The following COMMD10 variants were observed in gnomAD, a reference collection of about 807,000 sequenced individuals.
COMMD10 encodes COMM domain-containing protein 10.
Under a neutral mutation model 28.9 loss-of-function variants are expected in COMMD10, and 33 were observed. The ratio of observed to expected loss-of-function variants is 1.14; its 90% CI spans 0.87 to 1.53. COMMD10 has a LOEUF of 1.53. Ranked by LOEUF, COMMD10 falls within the 40% of genes most tolerant of loss-of-function variation. The pLI is 0.00. For synonymous variants in COMMD10, 110 were observed against 81.7 expected (o/e 1.35, Z -1.87); for missense variants, 310 against 233.4 (o/e 1.33, Z -2.14).
chr5:116,191,883 G>A (rs1481666271), intron 5 of COMMD10, among the ~76,000 whole-genome samples: 2 of 151,966 alleles, frequency 1.3e-5, no homozygotes, highest in Non-Finnish European at 2.9e-5. Flanking sequence ...CCCTCATGGA[G>A]TCCGTTGCAC....
intron 5 of COMMD10, among the ~76,000 whole-genome samples, chr5:116,279,963 G>T (rs1360038250): frequency 2.0e-5 from 3 of 151,822 alleles, no homozygotes. Flanking sequence ...AAACTGATTA[G>T]GACATAGGTT....
At chr5:116,094,706 G>T (rs1750413316) in intron 4 of COMMD10, among the ~76,000 whole-genome samples, 1 of 152,138 alleles carries the variant, frequency 6.6e-6, no homozygotes, top group Non-Finnish European at 1.5e-5. Flanking sequence ...GTATATTAAA[G>T]AAATATTTGT....
At chr5:116,085,377 G>A (rs150315442) in intron 1 of COMMD10, 31 of 423,430 alleles carry the variant, frequency 7.3e-5, no homozygotes, top group Middle Eastern at 1.2e-3. Context: ...CTGCGTCACT[G>A]TTCGCGGAGT....
At chr5:116,291,422 C>A in intron 5 of COMMD10, 95 bp from the exon 6 acceptor site, 2 of 842,044 alleles carry the variant, frequency 2.4e-6, no homozygotes, top group African/African-American at 1.7e-5. Context: ...ACTCAGAGGA[C>A]AATCTTATGT....
intron 5 of COMMD10, among the ~76,000 whole-genome samples, chr5:116,234,143 C>T (rs1233993863): frequency 1.3e-5 from 2 of 152,064 alleles, no homozygotes; most frequent in African/African-American, 4.8e-5. Context: ...TTTGAGTGGA[C>T]ATCTGCTATG....
At chr5:116,091,707 G>T (rs1750302559) in intron 3 of COMMD10, among the ~76,000 whole-genome samples, 1 of 152,102 alleles carries the variant, frequency 6.6e-6, no homozygotes, top group Non-Finnish European at 1.5e-5. Flanking sequence ...TAGTCTTTCA[G>T]CAGTTCATAT....
Position 116,291,543 on chromosome 5 carries a change from C to G in COMMD10, c.537C>G (p.Phe179Leu). 12 of 1,601,922 alleles carry G rather than the reference C, an allele frequency of 7.5e-6. No individual in the cohort carries two copies. The highest frequency in any genetic ancestry group is 1.0e-5 in the Non-Finnish European group (12 of 1,173,300). The change falls in exon 6 of 7, where the codon TTC becomes TTG. Residue 179 changes from phenylalanine to leucine, a missense_variant. Phe to Leu is a conservative substitution (Grantham distance 22). Transcript: ENST00000274458. Reference protein sequence around the residue: ...SKSLEKVLVEFSHKELFDFYN... With the variant: ...SKSLEKVLVELSHKELFDFYN... ...GCCTGGAGAAAGTTCTTGTGGAATT[C>G]AGTCACAAGGAGTTGTTTGATTTCT...
Position 116,259,062 on chromosome 5 carries a change from A to ATT in COMMD10, c.511-32437_511-32436dup, listed in dbSNP as rs36082006. 3.8e-4 allele frequency among the ~76,000 whole-genome samples: 47 copies of ATT among 123,606 alleles called. 1 individual carries two copies. Among genetic ancestry groups the ATT allele is most frequent in the African/African-American group, 8.9e-4 (29 of 32,730 alleles). 81.1% of individuals were successfully genotyped at this position (123,606 alleles called of 152,430 possible). ...ATTTTATCTTTAGCTACGTCCTTTA[A>ATT]TTTTTTTTTTTTTTTTTTTCCTGAG... On this transcript the variant is annotated intron_variant, in intron 5 of 6. Transcript: ENST00000274458.
At chr5:116,235,848 T>A (rs1309696635) in intron 5 of COMMD10, among the ~76,000 whole-genome samples, 3 of 152,182 alleles carry the variant, frequency 2.0e-5, no homozygotes, top group Non-Finnish European at 2.9e-5. Context: ...ATTTTATTCA[T>A]TCAGTTCGCT....
intron 5 of COMMD10, among the ~76,000 whole-genome samples, chr5:116,243,951 A>G (rs1231636794): frequency 6.6e-6 from 1 of 152,174 alleles, no homozygotes; most frequent in Non-Finnish European, 1.5e-5. Flanking sequence ...ACTTTATCTG[A>G]AATCATTGAG....
rs1396105581 is a variant in COMMD10 at position 116,292,551 on chromosome 5, A to G, written c.*62A>G. On this transcript the variant is annotated 3_prime_UTR_variant, in exon 7 of 7. Coordinates refer to ENST00000274458, the MANE Select transcript of COMMD10 (RefSeq NM_016144.4). ...CACCTCATTATTTTGCATTGAAGAT[A>G]CATTGCCAGGTTGTGTTTTCTGAAG... 3 of 1,397,106 alleles carry G rather than the reference A, an allele frequency of 2.1e-6. No homozygotes were observed. The highest frequency in any genetic ancestry group is 2.0e-6 in the Non-Finnish European group (2 of 1,017,240). 86.5% of individuals were successfully genotyped at this position (1,397,106 alleles called of 1,614,324 possible).
At chr5:116,126,727 G>C (rs1428999858) in intron 4 of COMMD10, among the ~76,000 whole-genome samples, 1 of 152,158 alleles carries the variant, frequency 6.6e-6, no homozygotes, top group African/African-American at 2.4e-5. Context: ...GCCATATGTA[G>C]AAAGCTGAAA....
At position 116,256,468 on chromosome 5, in the gene COMMD10, G is replaced by A. The variant is rs189732954; in HGVS notation, c.511-35049G>A. 1.7e-3 allele frequency among the ~76,000 whole-genome samples: 262 copies of A among 151,740 alleles called. 4 individuals are homozygous for A. Among genetic ancestry groups the A allele is most frequent in the African/African-American group, 5.9e-3 (244 of 41,266 alleles). On this transcript the variant is annotated intron_variant, in intron 5 of 6. Transcript: ENST00000274458. Reference sequence around the variant, plus strand: ...AAATTACCTTTCCCTTTGCATGTACGTGACAGTTAAGATCTGAAGAATCTT... The same window carrying A: ...AAATTACCTTTCCCTTTGCATGTACATGACAGTTAAGATCTGAAGAATCTT...
chr5:116,124,975 G>A (rs1421651590), intron 4 of COMMD10, among the ~76,000 whole-genome samples: 1 of 152,094 alleles, frequency 6.6e-6, no homozygotes, highest in Non-Finnish European at 1.5e-5. Flanking sequence ...CACGTGAAGT[G>A]GTTCTCCTGA....
At chr5:116,222,788 T>G (rs1298102269) in intron 5 of COMMD10, among the ~76,000 whole-genome samples, 1 of 152,044 alleles carries the variant, frequency 6.6e-6, no homozygotes, top group African/African-American at 2.4e-5. Flanking sequence ...GCCTCCCAGG[T>G]TTAAGCGATT....
At chr5:116,244,001 T>C (rs1020171089) in intron 5 of COMMD10, among the ~76,000 whole-genome samples, 1 of 152,152 alleles carries the variant, frequency 6.6e-6, no homozygotes, top group African/African-American at 2.4e-5. Context: ...TAAATCAATA[T>C]CTGAAAAGCT....
At chr5:116,238,724 C>T (rs1039299563) in intron 5 of COMMD10, among the ~76,000 whole-genome samples, 6 of 152,190 alleles carry the variant, frequency 3.9e-5, no homozygotes, top group Non-Finnish European at 7.3e-5. Flanking sequence ...ATCTCCAGCT[C>T]ATACTCCTTA....
chr5:116,253,363 C>G (rs1055238655), intron 5 of COMMD10, among the ~76,000 whole-genome samples: 1 of 148,572 alleles, frequency 6.7e-6, no homozygotes, highest in African/African-American at 2.5e-5. Context: ...GAGGGCATCC[C>G]TGTCTTGTGC....
chr5:116,128,231 G>T (rs977029019), intron 4 of COMMD10, among the ~76,000 whole-genome samples: 1 of 151,960 alleles, frequency 6.6e-6, no homozygotes, highest in African/African-American at 2.4e-5. Context: ...AGATTATATT[G>T]AAGTTATAAT....
Sources: gnomAD v4.1 joint callset for allele counts (sites outside exome capture counted in the v4.1 genomes callset) on GRCh38, gnomAD v4.1.1 for gene constraint, MANE v1.5 for transcripts, NCBI Gene and HGNC (gene_info 2026-07-23, HGNC 2026-07-21) for gene names.